ACTN3: variants seen among roughly 807,000 people sequenced by gnomAD.
The protein encoded by ACTN3 is actinin alpha 3.
ACTN3 carries 91 observed loss-of-function variants against 119.6 expected under a neutral mutation model. That is an observed-to-expected ratio of 0.76 (90% CI 0.64 to 0.91). ACTN3 has a LOEUF of 0.91. Among genes scored for constraint, ACTN3 ranks in the 40% least tolerant of loss-of-function variants. ACTN3 has a pLI of 0.00. For synonymous variants in ACTN3, 456 were observed against 478.8 expected (o/e 0.95, Z 0.62); for missense variants, 1,221 against 1,215.1 (o/e 1.00, Z -0.07).
intron 19 of ACTN3, 55 bp downstream of exon 19, chr11:66,562,377 T>C: frequency 6.4e-7 from 1 of 1,568,312 alleles, no homozygotes; most frequent in Non-Finnish European, 8.8e-7. Flanking sequence ...TCCTCTGTGC[T>C]GATCACCTAC....
At position 66,551,257 on chromosome 11, in the gene ACTN3, A is replaced by C; in HGVS notation, c.166A>C (p.Asn56His). Residue 56 changes from asparagine (N) to histidine (H), a missense_variant, in exon 2 of 21, where the codon AAC (asparagine) becomes CAC (histidine). By Grantham distance (68) the Asn-to-His change is moderately conservative. This residue lies in a region of ACTN3 where 239 missense variants were observed against 231.8 expected (regional missense o/e 1.03). Coordinates refer to ENST00000513398, the MANE Select transcript of ACTN3 (RefSeq NM_001104.4). The part of the protein sequence containing the change: ...QQRKTFTAWC[N>H]SHLRKAGTQI... ...CCCCTAGACCTTCACTGCCTGGTGC[A>C]ACTCACACCTGCGCAAGGCAGGCAC... 1 of 1,611,158 alleles carries C rather than the reference A, an allele frequency of 6.2e-7. No individual in the cohort carries two copies. The highest frequency in any genetic ancestry group is 8.5e-7 in the Non-Finnish European group (1 of 1,178,678).
At chr11:66,560,454 G>T in intron 14 of ACTN3, 119 bp from the exon 15 acceptor site, 1 of 1,468,462 alleles carries the variant, frequency 6.8e-7, no homozygotes, top group South Asian at 1.4e-5. Context: ...ACAGGAGGCC[G>T]GGGTTCTTGT....
chr11:66,554,682 GA>G, intron 5 of ACTN3, 59 bp downstream of exon 5: 1 of 1,429,718 alleles, frequency 7.0e-7, no homozygotes, highest in Non-Finnish European at 9.6e-7. Context: ...GCATAGAGAG[GA>G]GCCCTCCCTG....
chr11:66,557,045 G>C lies in ACTN3; in HGVS notation c.805-88G>C, dbSNP rs866828835. 4 of 1,210,768 alleles carry C rather than the reference G, an allele frequency of 3.3e-6. 1 individual carries two copies. In the Middle Eastern group the frequency reaches 7.7e-4, roughly 232 times the overall value. 75.0% of individuals were successfully genotyped at this position (1,210,768 alleles called of 1,614,324 possible). Reference sequence around the variant, plus strand: ...CAAACTGCTGGGATTACAGGCGTGAGCCACCGCGCTCGGCGGGGCTCTGGG... The same window carrying C: ...CAAACTGCTGGGATTACAGGCGTGACCCACCGCGCTCGGCGGGGCTCTGGG... On this transcript the variant is annotated intron_variant, in intron 8 of 20. Transcript: ENST00000513398.
chr11:66,561,389 TG>T, intron 16 of ACTN3, 28 bp downstream of exon 16: 3 of 1,606,596 alleles, frequency 1.9e-6, no homozygotes, highest in South Asian at 1.1e-5. Context: ...GGGTCCAACC[TG>T]GGGGGATGGG....
chr11:66,554,481 A>T, intron 4 of ACTN3, 55 bp from the exon 5 acceptor site: 14 of 1,213,836 alleles, frequency 1.2e-5, no homozygotes, highest in Non-Finnish European at 1.6e-5. Context: ...AAGAAGTGTG[A>T]GAGGGCTGAC....
rs1274423768 is a variant in ACTN3, at chr11:66,554,036, G to C, written c.383-9G>C. On this transcript the variant is annotated splice_polypyrimidine_tract_variant and intron_variant, in intron 3 of 20. Transcript: ENST00000513398. ...CAGGCAAATCTGTCCCCTGACCCCTGCCCTGCAGAGATTGTTGACGGGAAC... is the reference window on the plus strand; with the variant it reads ...CAGGCAAATCTGTCCCCTGACCCCTCCCCTGCAGAGATTGTTGACGGGAAC... The C allele has an allele frequency of 1.9e-6, 3 of 1,613,380 alleles. No homozygotes were observed. The highest frequency in any genetic ancestry group is 2.5e-6 in the Non-Finnish European group (3 of 1,179,618).
chr11:66,554,712 G>C, intron 5 of ACTN3, 89 bp downstream of exon 5: 23 of 1,078,678 alleles, frequency 2.1e-5, no homozygotes, highest in Non-Finnish European at 2.8e-5. Context: ...AGGGCACTGA[G>C]CTGGTCTCTG....
chr11:66,556,094 G>T, intron 7 of ACTN3, 51 bp from the exon 8 acceptor site: 1 of 1,535,206 alleles, frequency 6.5e-7, no homozygotes, highest in South Asian at 1.2e-5. Flanking sequence ...TTCTCTGCCT[G>T]GGGAGGGACC....
At chr11:66,559,824 G>A in intron 12 of ACTN3, 144 bp from the exon 13 acceptor site, 1 of 829,094 alleles carries the variant, frequency 1.2e-6, no homozygotes. Context: ...CGCCCCTCTT[G>A]GAAAGCACCC....
rs768057528 is a variant in ACTN3 at position 66,551,356 on chromosome 11, G to A, written c.262+3G>A. 29 of 1,599,424 alleles carry A rather than the reference G, an allele frequency of 1.8e-5. No homozygotes were observed. The highest frequency in any genetic ancestry group is 2.0e-5 in the Non-Finnish European group (24 of 1,172,946). ...GCTGCTCCTGGAGGTCATTTCAGGT[G>A]AGGATGGCAAATCAGTGCACCTGGG... On this transcript the variant is annotated splice_donor_region_variant and intron_variant, in intron 2 of 20. Transcript: ENST00000513398.
rs1210316824 is a variant in ACTN3 at position 66,552,069 on chromosome 11, CTCTG to C, written c.382+427_382+430del. 9.3e-5 allele frequency among the ~76,000 whole-genome samples: 14 copies of C among 150,044 alleles called. No individual in the cohort carries two copies. In the East Asian group the frequency reaches 1.4e-3, roughly 15 times the overall value. ...CCAGCCTGAGCAACAGAGCGAGAGA[CTCTG>C]TCTGAAAGAAAAAAAAAAAATGCCG... On this transcript the variant is annotated intron_variant, in intron 3 of 20. Transcript: ENST00000513398.
At position 66,554,532 on chromosome 11, in the gene ACTN3, C is replaced by T. The variant is rs746425537; in HGVS notation, c.470-4C>T. 5 of 1,607,168 alleles carry T rather than the reference C, an allele frequency of 3.1e-6. No individual in the cohort carries two copies. Among genetic ancestry groups the T allele is most frequent in the South Asian group, 1.1e-5 (1 of 90,084 alleles). On this transcript the variant is annotated splice_region_variant and splice_polypyrimidine_tract_variant and intron_variant, in intron 4 of 20. Coordinates refer to ENST00000513398, the MANE Select transcript of ACTN3 (RefSeq NM_001104.4). ...ATGAATCCTCCCACCTCCCCCCGAC[C>T]CAGAAACCTCAGCCAAGGAAGGCTT...
At position 66,552,851 on chromosome 11, in the gene ACTN3, GTCTC is replaced by G. The variant is rs564902238; in HGVS notation, c.383-1167_383-1164del. Reference sequence around the variant, plus strand: ...CAGCCTGGGTGACAAGAGAGACTCTGTCTCTCTCTCTCTCTCTCTCTCTCTCTCT... The same window carrying G: ...CAGCCTGGGTGACAAGAGAGACTCTGTCTCTCTCTCTCTCTCTCTCTCTCT... On this transcript the variant is annotated intron_variant, in intron 3 of 20. Coordinates refer to ENST00000513398, the MANE Select transcript of ACTN3 (RefSeq NM_001104.4). 6.8e-4 allele frequency among the ~76,000 whole-genome samples: 89 copies of G among 131,356 alleles called. 1 individual carries two copies. Among genetic ancestry groups the G allele is most frequent in the Admixed American group, 3.2e-3 (42 of 13,130 alleles). The allele number at this position is 131,356 out of a possible 152,430, so 86.2% of individuals were successfully genotyped here. A position where few individuals can be genotyped will look rare whatever the true frequency, so the allele number is the denominator to read the frequency against.
chr11:66,563,215 A>C lies in ACTN3; in HGVS notation c.*22A>C, dbSNP rs372103863. On this transcript the variant is annotated 3_prime_UTR_variant, in exon 21 of 21. Transcript: ENST00000513398. ...TTGACCCCAACCACTGAGGTTCTCT[A>C]TGCAAGATGGAGAGAGGATGCACCC... is the stretch of plus-strand genomic sequence containing the variant. 2.5e-6 allele frequency: 4 copies of C among 1,579,128 alleles called. No homozygotes were observed. Among genetic ancestry groups the C allele is most frequent in the Non-Finnish European group, 3.5e-6 (4 of 1,159,120 alleles).
upstream of ACTN3, chr11:66,546,523 C>T (rs565196557): frequency 9.8e-6 from 15 of 1,535,404 alleles, no homozygotes; most frequent in Non-Finnish European, 1.3e-5. Context: ...GGGGATAGGG[C>T]TCTGTGTCCC....
At chr11:66,546,647 A>G (rs1280784328), upstream of ACTN3, 64 of 1,532,884 alleles carry the variant, frequency 4.2e-5, no homozygotes, top group Non-Finnish European at 5.5e-5. Context: ...AAACAGACTC[A>G]GAGAGGTCCC....
intron 1 of ACTN3, among the ~76,000 whole-genome samples, chr11:66,547,488 G>C (rs1857379799): frequency 6.6e-6 from 1 of 152,160 alleles, no homozygotes; most frequent in East Asian, 1.9e-4. Context: ...ACTTGGGAGT[G>C]TGGGGGTAGT....
intron 11 of ACTN3, chr11:66,558,882 C>T (rs534532565): frequency 1.3e-5 from 3 of 234,948 alleles, no homozygotes; most frequent in Non-Finnish European, 2.4e-5. Flanking sequence ...TGGATAGAAA[C>T]ATCCATTCAT....
Sources: allele counts gnomAD v4.1 joint callset (sites outside exome capture counted in the v4.1 genomes callset), GRCh38; gene constraint gnomAD v4.1.1; regional missense constraint gnomAD v4.1.1; transcripts MANE v1.5; gene names NCBI Gene and HGNC (gene_info 2026-07-23, HGNC 2026-07-21).